PPEF1: variants seen among roughly 807,000 people sequenced by gnomAD.
PPEF1 encodes the protein protein phosphatase with EF-hand domain 1.
Under a neutral mutation model 53.3 loss-of-function variants are expected in PPEF1, and 12 were observed. That is an observed-to-expected ratio of 0.23 (90% confidence interval 0.14 to 0.36). PPEF1 has a LOEUF of 0.36. Ranked by LOEUF, PPEF1 falls within the 10% of genes least tolerant of loss-of-function variation. The pLI, the probability that PPEF1 is intolerant of heterozygous loss-of-function variation, is 1.00. For missense variants in PPEF1, 334 were observed against 490.4 expected (o/e 0.68, Z 3.01); for synonymous variants, 165 against 176.7 (o/e 0.93, Z 0.52).
rs765499578 is a variant in PPEF1 at position 18,707,890 on chromosome X, C to G, written c.46+64C>G. On this transcript the variant is annotated intron_variant, in intron 1 of 15. Transcript: ENST00000470157. ...GGGGAAAATGAGCTGCCCTCACCCT[C>G]TTCTCCTTTCTCATTTACTCCCACG... 21 of 1,015,983 alleles carry G rather than the reference C, an allele frequency of 2.1e-5. No homozygotes were observed. The Admixed American group carries it at 3.2e-4, about 16-fold the overall frequency. The allele number at this position is 1,015,983 out of a possible 1,213,427, so 83.7% of individuals were successfully genotyped here.
chrX:18,815,826 ATTCTT>A (rs2046896610), intron 12 of PPEF1, among the ~76,000 whole-genome samples: 1 of 107,938 alleles, frequency 9.3e-6, no homozygotes, highest in Middle Eastern at 4.8e-3. Context: ...TTACTGCTCT[ATTCTT>A]TATTATTTCC....
chrX:18,774,770 C>T (rs2045933149), intron 6 of PPEF1, among the ~76,000 whole-genome samples: 1 of 111,480 alleles, frequency 9.0e-6, no homozygotes. Context: ...AAATTTTATT[C>T]TACCGTCTCC....
At chrX:18,808,624 A>G (rs1163855004) in intron 12 of PPEF1, among the ~76,000 whole-genome samples, 1 of 111,187 alleles carries the variant, frequency 9.0e-6, no homozygotes, top group Non-Finnish European at 1.9e-5. Context: ...TCCCAAAGAC[A>G]TACAAATGGC....
chrX:18,752,896 G>T (rs2045473843), intron 4 of PPEF1, among the ~76,000 whole-genome samples: 1 of 110,943 alleles, frequency 9.0e-6, no homozygotes, highest in Non-Finnish European at 1.9e-5. Flanking sequence ...TGTTGTATTT[G>T]GTTTGCTGGT....
intron 12 of PPEF1, 145 bp downstream of exon 12, chrX:18,806,690 C>T: frequency 1.7e-6 from 1 of 575,609 alleles, no homozygotes; most frequent in Non-Finnish European, 2.5e-6. Flanking sequence ...TAGTTCCAGA[C>T]ACCAAGTGGT....
At chrX:18,782,569 G>C (rs142231319) in intron 8 of PPEF1, among the ~76,000 whole-genome samples, 167 bp downstream of exon 8, 4,010 of 111,064 alleles carry the variant, frequency 0.036, 70 homozygotes, top group Middle Eastern at 0.11. Context: ...CCTGGCCACA[G>C]TAGAGTCTTA....
At chrX:18,781,010 A>G (rs1316959817) in intron 7 of PPEF1, among the ~76,000 whole-genome samples, 5 of 101,194 alleles carry the variant, frequency 4.9e-5, no homozygotes. Flanking sequence ...GAGCTGAGAT[A>G]GCGCCACTGC....
At chrX:18,725,798 G>A (rs769667407) in intron 1 of PPEF1, among the ~76,000 whole-genome samples, 1 of 111,538 alleles carries the variant, frequency 9.0e-6, no homozygotes, top group South Asian at 3.8e-4. Context: ...TGACTTTGGA[G>A]TAGAAGAGGA....
At chrX:18,819,528 C>CA (rs199539409) in intron 13 of PPEF1, among the ~76,000 whole-genome samples, 2,963 of 105,998 alleles carry the variant, frequency 0.028, 101 homozygotes, top group African/African-American at 0.092. Context: ...ACTAAAAATA[C>CA]AAAAAAAAAC....
chrX:18,743,519 G>A (rs1219277429), intron 3 of PPEF1, among the ~76,000 whole-genome samples: 2 of 96,877 alleles, frequency 2.1e-5, no homozygotes, highest in African/African-American at 7.9e-5. Flanking sequence ...GCGTAATCTC[G>A]GCTCACTGCA....
chrX:18,679,002 G>A (rs1035060747), upstream of PPEF1, among the ~76,000 whole-genome samples: 10 of 111,348 alleles, frequency 9.0e-5, no homozygotes, highest in East Asian at 1.4e-3. Flanking sequence ...CCATTTAGAT[G>A]TCTGTTAGGT....
intron 15 of PPEF1, among the ~76,000 whole-genome samples, chrX:18,826,668 T>C (rs1327857468): frequency 9.1e-6 from 1 of 109,892 alleles, no homozygotes; most frequent in Non-Finnish European, 1.9e-5. Context: ...TCAGATGACC[T>C]GCCCACCTCA....
chrX:18,695,656 A>G (rs1365125944), intron 4 of PPEF1, among the ~76,000 whole-genome samples: 1 of 112,505 alleles, frequency 8.9e-6, no homozygotes, highest in Non-Finnish European at 1.9e-5. Flanking sequence ...ATTTATGAAC[A>G]TTCAGGGTTA....
intron 3 of PPEF1, among the ~76,000 whole-genome samples, chrX:18,741,871 T>C (rs1253190501): frequency 9.7e-6 from 1 of 102,931 alleles, no homozygotes; most frequent in Non-Finnish European, 2.0e-5. Flanking sequence ...TGGCGCAATC[T>C]CACCTCACTG....
chrX:18,790,353 C>T (rs2046301458), intron 10 of PPEF1, among the ~76,000 whole-genome samples: 2 of 111,558 alleles, frequency 1.8e-5, no homozygotes, highest in African/African-American at 6.5e-5. Flanking sequence ...AATACAAATC[C>T]TTTATCAGGT....
chrX:18,799,601 A>G (rs2046509817), intron 10 of PPEF1, among the ~76,000 whole-genome samples: 1 of 111,609 alleles, frequency 9.0e-6, no homozygotes, highest in Admixed American at 9.6e-5. Context: ...GATTACTTAG[A>G]GCTGCAGACA....
chrX:18,690,278 C>A lies in PPEF1; in HGVS notation c.-425-704C>A, dbSNP rs189436837. Among the ~76,000 whole-genome samples the A allele has an allele frequency of 1.6e-4, 18 of 110,101 alleles. 1 individual carries two copies. The highest frequency in any genetic ancestry group is 1.6e-3 in the Admixed American group (16 of 10,223). ...ATGCTCTGAAAATGTTTTCCAAAGG[C>A]TTCTCCGTGAACTTTTAGGCATTTG... On this transcript the variant is annotated intron_variant, in intron 3 of 21. Coordinates refer to the PPEF1 transcript ENST00000361511.
intron 9 of PPEF1, among the ~76,000 whole-genome samples, chrX:18,788,115 G>C (rs967512732): frequency 9.0e-6 from 1 of 111,067 alleles, no homozygotes; most frequent in South Asian, 3.8e-4. Context: ...AGGAGATCAA[G>C]ACCATCCTGG....
chrX:18,782,030 C>T (rs1457140392), intron 7 of PPEF1, among the ~76,000 whole-genome samples: 1 of 112,068 alleles, frequency 8.9e-6, no homozygotes, highest in Admixed American at 9.4e-5. Flanking sequence ...CAGCTTCCCC[C>T]AGCTACCACA....
Sources: gnomAD v4.1 joint callset for allele counts (sites outside exome capture counted in the v4.1 genomes callset) on GRCh38, gnomAD v4.1.1 for gene constraint, MANE v1.5 for transcripts, NCBI Gene and HGNC (gene_info 2026-07-23, HGNC 2026-07-21) for gene names.